Variants in PTPRD observed in about 807,000 individuals in gnomAD.
PTPRD encodes receptor-type tyrosine-protein phosphatase delta.
PTPRD carries 34 observed loss-of-function variants against 214.5 expected under a neutral mutation model. That is an observed-to-expected ratio of 0.16 (90% CI 0.12 to 0.21). The LOEUF (loss-of-function observed/expected upper bound fraction) is 0.21. Among genes scored for constraint, PTPRD ranks in the 10% least tolerant of loss-of-function variants. The probability of loss-of-function intolerance (pLI) is 1.00; values close to 1 mark genes in which losing one functional copy is unlikely to be tolerated. For missense variants in PTPRD, 2,545 were observed against 2,398.7 expected, an observed-to-expected ratio of 1.06 and a Z score of -1.27; for synonymous variants, 1,128 against 845.7, an observed-to-expected ratio of 1.33 and a Z score of -5.79.
At chr9:9,302,071 G>T (rs1955523822) in intron 9 of PTPRD, among the ~76,000 whole-genome samples, 1 of 151,826 alleles carries the variant, frequency 6.6e-6, no homozygotes, top group South Asian at 2.1e-4. Context: ...CTTTCATATT[G>T]CTCATACATA....
At chr9:9,039,934 T>C (rs73430141) in intron 10 of PTPRD, among the ~76,000 whole-genome samples, 57 of 152,266 alleles carry the variant, frequency 3.7e-4, no homozygotes, top group African/African-American at 1.3e-3. Context: ...CTGGGCCTGT[T>C]TGGAGGTCAG....
intron 9 of PTPRD, among the ~76,000 whole-genome samples, chr9:9,285,952 C>A (rs1405055483): frequency 3.3e-5 from 5 of 151,718 alleles, no homozygotes; most frequent in Non-Finnish European, 7.4e-5. Context: ...ATTTCCTGGT[C>A]TGCCAGAGGC....
At chr9:9,199,392 C>T (rs922278622) in intron 9 of PTPRD, among the ~76,000 whole-genome samples, 4 of 152,254 alleles carry the variant, frequency 2.6e-5, no homozygotes, top group South Asian at 2.1e-4. Context: ...ATTGCTGTCC[C>T]GTATGCCCTA....
chr9:10,208,265 AG>A (rs552219260), intron 3 of PTPRD, among the ~76,000 whole-genome samples: 77 of 152,376 alleles, frequency 5.1e-4, no homozygotes, highest in African/African-American at 1.8e-3. Flanking sequence ...CCGTAATCCC[AG>A]CACTTTGGGT....
intron 11 of PTPRD, among the ~76,000 whole-genome samples, chr9:8,791,643 G>A (rs887836807): frequency 6.6e-6 from 1 of 150,722 alleles, no homozygotes; most frequent in Non-Finnish European, 1.5e-5. Flanking sequence ...TTCTGGAGGA[G>A]AGAAATCCAA....
rs543298448 is a variant in PTPRD, at chr9:9,088,611, A to G, written c.-142-69876T>C. 6.1e-5 allele frequency among the ~76,000 whole-genome samples: 9 copies of G among 146,672 alleles called. No homozygotes were observed. In the East Asian group the frequency reaches 1.8e-3, roughly 29 times the overall value. ...AAAAAAAAAAAAAAAAAAAAAAAAG[A>G]AGTCTGGCTTGCAGTAGATGGTCTC... is the stretch of plus-strand genomic sequence containing the variant. On this transcript the variant is annotated intron_variant, in intron 10 of 45. Transcript: ENST00000381196.
chr9:8,940,671 A>C (rs1284488341), intron 11 of PTPRD, among the ~76,000 whole-genome samples: 4 of 151,958 alleles, frequency 2.6e-5, no homozygotes, highest in Non-Finnish European at 5.9e-5. Flanking sequence ...CCACCTGGGA[A>C]CTTTCTAATG....
chr9:9,964,287 T>G (rs374886979), intron 4 of PTPRD, among the ~76,000 whole-genome samples: 17 of 152,334 alleles, frequency 1.1e-4, no homozygotes, highest in African/African-American at 3.8e-4. Flanking sequence ...AAGAATGTAA[T>G]AGCAGGCTTG....
chr9:10,436,155 A>C (rs2154522001), intron 2 of PTPRD, among the ~76,000 whole-genome samples: 1 of 151,994 alleles, frequency 6.6e-6, no homozygotes, highest in East Asian at 1.9e-4. Flanking sequence ...AGAAGATGAT[A>C]ATATGTCAAA....
chr9:10,566,327 T>C (rs1335228130), intron 2 of PTPRD, among the ~76,000 whole-genome samples: 4 of 152,036 alleles, frequency 2.6e-5, no homozygotes, highest in Non-Finnish European at 5.9e-5. Flanking sequence ...TGTCAGCTTT[T>C]CTATAGAATG....
intron 14 of PTPRD, among the ~76,000 whole-genome samples, chr9:8,599,613 C>CCCCCCCCCCT (rs2094698008): frequency 9.4e-5 from 5 of 53,414 alleles, no homozygotes; most frequent in African/African-American, 1.4e-4. Context: ...CCCGCCCACC[C>CCCCCCCCCCT]TTTTTTTTTT....
chr9:8,484,561 T>C (rs879480859), intron 29 of PTPRD, among the ~76,000 whole-genome samples, 183 bp from the exon 30 acceptor site: 15 of 152,004 alleles, frequency 9.9e-5, no homozygotes, highest in Admixed American at 2.6e-4. Flanking sequence ...CATTTCCTAC[T>C]GTGTAATGAT....
intron 3 of PTPRD, among the ~76,000 whole-genome samples, chr9:10,072,727 G>A (rs932096479): frequency 5.3e-5 from 8 of 152,006 alleles, no homozygotes; most frequent in South Asian, 2.1e-4. Context: ...GCTACATAGC[G>A]CTGATTGGGG....
intron 3 of PTPRD, among the ~76,000 whole-genome samples, chr9:10,042,573 A>G (rs1029695497): frequency 2.0e-5 from 3 of 151,912 alleles, no homozygotes; most frequent in Non-Finnish European, 2.9e-5. Flanking sequence ...TAACAAGCAG[A>G]GCTACTAGCA....
intron 9 of PTPRD, among the ~76,000 whole-genome samples, chr9:9,248,548 G>A (rs771997302): frequency 1.3e-5 from 2 of 152,052 alleles, no homozygotes; most frequent in Non-Finnish European, 2.9e-5. Context: ...CCCATCTGAT[G>A]TCTTAGAGTT....
At chr9:9,446,080 C>T (rs909261031) in intron 8 of PTPRD, among the ~76,000 whole-genome samples, 4 of 152,022 alleles carry the variant, frequency 2.6e-5, no homozygotes, top group East Asian at 1.9e-4. Context: ...TTTATGAAAG[C>T]CATGTGGTAA....
chr9:8,941,084 G>C (rs2099031277), intron 11 of PTPRD, among the ~76,000 whole-genome samples: 1 of 152,044 alleles, frequency 6.6e-6, no homozygotes, highest in Non-Finnish European at 1.5e-5. Flanking sequence ...AATCATTTGT[G>C]ATATTTTTCC....
chr9:9,540,015 G>C (rs2077263006), intron 8 of PTPRD, among the ~76,000 whole-genome samples: 1 of 151,452 alleles, frequency 6.6e-6, no homozygotes. Flanking sequence ...TTCTTCCTAG[G>C]GAAGTATACT....
chr9:9,949,056 A>C (rs1243875635), intron 4 of PTPRD, among the ~76,000 whole-genome samples: 2 of 152,216 alleles, frequency 1.3e-5, no homozygotes, highest in African/African-American at 4.8e-5. Flanking sequence ...GATGTAGAGC[A>C]AAAATTATAA....
Sources: gnomAD v4.1 joint callset for allele counts (sites outside exome capture counted in the v4.1 genomes callset) on GRCh38, gnomAD v4.1.1 for gene constraint, MANE v1.5 for transcripts, NCBI Gene and HGNC (gene_info 2026-07-23, HGNC 2026-07-21) for gene names.